Variants in HPS4 observed in about 807,000 individuals in gnomAD.
HPS4 encodes HPS4 biogenesis of lysosomal organelles complex 3 subunit 2.
Under a neutral mutation model 70.3 loss-of-function variants are expected in HPS4, and 44 were observed. That is an observed-to-expected ratio of 0.63 (90% CI 0.49 to 0.80). HPS4 has a LOEUF of 0.80. Among genes scored for constraint, HPS4 ranks in the 30% least tolerant of loss-of-function variants. HPS4 has a pLI of 0.00. For missense variants in HPS4, 873 were observed against 884.4 expected, an observed-to-expected ratio of 0.99 and a Z score of 0.16; for synonymous variants, 377 against 355.9, an observed-to-expected ratio of 1.06 and a Z score of -0.67.
At chr22:26,446,997 A>T (rs958544557), downstream of HPS4, among the ~76,000 whole-genome samples, 8 of 152,196 alleles carry the variant, frequency 5.3e-5, no homozygotes, top group African/African-American at 1.7e-4. Context: ...AAGTGCTGGT[A>T]TTACAGGCAT....
intron 3 of HPS4, among the ~76,000 whole-genome samples, chr22:26,477,573 C>A (rs2090724133): frequency 6.6e-6 from 1 of 152,148 alleles, no homozygotes; most frequent in African/African-American, 2.4e-5. Flanking sequence ...CATGTCAGAG[C>A]ACAGTCACAG....
intron 12 of HPS4, among the ~76,000 whole-genome samples, chr22:26,458,236 G>A (rs180897269): frequency 1.1e-4 from 17 of 152,348 alleles, no homozygotes; most frequent in African/African-American, 3.4e-4. Context: ...ACTGGGAAAC[G>A]CCAAAAACAG....
At position 26,451,522 on chromosome 22, in the gene HPS4, A is replaced by G. The variant is rs1054046423; in HGVS notation, c.*1711T>C. 1.3e-5 allele frequency: 2 copies of G among 152,222 alleles called. No individual in the cohort carries two copies. Among genetic ancestry groups the G allele is most frequent in the Non-Finnish European group, 2.9e-5 (2 of 68,050 alleles). The allele number at this position is 152,222 out of a possible 1,614,324, so 9.4% of individuals were successfully genotyped here. ...ACTTTTTCTGAGTTAATCCAGGTGC[A>G]TGAGACTTTTCCATATACACGGATA... is the stretch of plus-strand genomic sequence containing the variant. On this transcript the variant is annotated 3_prime_UTR_variant, in exon 14 of 14. Transcript: ENST00000398145.
intron 7 of HPS4, 121 bp downstream of exon 7, chr22:26,470,598 C>G: frequency 1.1e-5 from 10 of 912,680 alleles, no homozygotes; most frequent in Non-Finnish European, 1.8e-5. Flanking sequence ...CTGATATTTG[C>G]CGAACCAGCC....
chr22:26,446,761 A>G (rs1443635738), downstream of HPS4, among the ~76,000 whole-genome samples: 2 of 152,098 alleles, frequency 1.3e-5, no homozygotes, highest in African/African-American at 4.8e-5. Context: ...TTTGAGACAG[A>G]GTCTCCTCTG....
Position 26,463,071 on chromosome 22 carries a change from C to T in HPS4, c.1713+846G>A, listed in dbSNP as rs1370589011. Among the ~76,000 whole-genome samples, 7 of 152,230 alleles carry T rather than the reference C, an allele frequency of 4.6e-5. No individual in the cohort carries two copies. In the East Asian group the frequency reaches 1.2e-3, roughly 25 times the overall value. ...AATAAAAACAAGGAAAGCCCCAAGA[C>T]ACCATTTGCCCTGCAGCAATTTCAA... On this transcript the variant is annotated intron_variant, in intron 11 of 13. Coordinates refer to ENST00000398145, the MANE Select transcript of HPS4 (RefSeq NM_022081.6).
At chr22:26,481,533 G>T (rs1879278995) in intron 2 of HPS4, among the ~76,000 whole-genome samples, 189 bp downstream of exon 2, 2 of 152,234 alleles carry the variant, frequency 1.3e-5, no homozygotes, top group Non-Finnish European at 2.9e-5. Flanking sequence ...GGAGAGGCTT[G>T]CAAGGTTAAA....
At chr22:26,480,240 C>T (rs905886568) in intron 2 of HPS4, among the ~76,000 whole-genome samples, 15 of 152,154 alleles carry the variant, frequency 9.9e-5, no homozygotes, top group African/African-American at 3.6e-4. Flanking sequence ...GGTGCGATTG[C>T]GGTTCAGTGC....
chr22:26,481,684 C>A (rs1439354918), intron 2 of HPS4, 38 bp downstream of exon 2: 3 of 1,603,742 alleles, frequency 1.9e-6, no homozygotes, highest in Non-Finnish European at 2.6e-6. Flanking sequence ...AACCAACAGC[C>A]CAGCAAAAGC....
Position 26,464,767 on chromosome 22 carries a change from C to T in HPS4, c.863G>A (p.Gly288Glu), listed in dbSNP as rs763518309. ...DGSAQHHPKG[G>E]STSALKENAT... ...GTTTTCTTTCAGGGCAGATGTGCTC[C>T]CACCCTTTGGATGGTGCTGGGCTGA... is the stretch of plus-strand genomic sequence containing the variant. The change falls in exon 11 of 14, where the codon GGG becomes GAG. Residue 288 changes from glycine (G) to glutamate (E), a missense_variant. Gly to Glu is a moderately conservative substitution (Grantham distance 98). Transcript: ENST00000398145. 22 of 1,585,916 alleles carry T rather than the reference C, an allele frequency of 1.4e-5. No individual in the cohort carries two copies. The highest frequency in any genetic ancestry group is 1.8e-5 in the Non-Finnish European group (21 of 1,166,050).
chr22:26,451,994 GCGCGCGCGCGCACACACACACA>G lies in HPS4; in HGVS notation c.*1217_*1238del, dbSNP rs1279661358. ...AGGGATGCGCCCACGTTACGCGCGC[GCGCGCGCGCGCACACACACACA>G]CACACACACACACACACACACACAC... is the stretch of plus-strand genomic sequence containing the variant. On this transcript the variant is annotated 3_prime_UTR_variant, in exon 14 of 14. Transcript: ENST00000398145. 34 of 71,844 alleles carry G rather than the reference GCGCGCGCGCGCACACACACACA, an allele frequency of 4.7e-4. No individual in the cohort carries two copies. Among genetic ancestry groups the G allele is most frequent in the Admixed American group, 1.7e-3 (11 of 6,318 alleles). 4.5% of individuals were successfully genotyped at this position (71,844 alleles called of 1,614,324 possible). A position where few individuals can be genotyped will look rare whatever the true frequency, so the allele number is the denominator to read the frequency against.
intron 11 of HPS4, 146 bp downstream of exon 11, chr22:26,463,771 G>A (rs758981926): frequency 2.7e-5 from 23 of 838,238 alleles, no homozygotes; most frequent in Middle Eastern, 3.5e-4. Context: ...TACCTCCATC[G>A]TCTAAACAAG....
intron 11 of HPS4, among the ~76,000 whole-genome samples, chr22:26,462,546 T>G (rs2087520570): frequency 6.6e-6 from 1 of 152,222 alleles, no homozygotes; most frequent in African/African-American, 2.4e-5. Context: ...ATGCGAAGTA[T>G]TTCACATATA....
rs964934683 is a variant in HPS4, at chr22:26,464,478, T to G, written c.1152A>C (p.Ser384=). 1 of 1,614,212 alleles carries G rather than the reference T, an allele frequency of 6.2e-7. No individual in the cohort carries two copies. The highest frequency in any genetic ancestry group is 1.3e-5 in the African/African-American group (1 of 75,054). The part of the protein sequence containing the change: ...IPEAQEVEMA[S]GHFAFLHVPV... Reference sequence around the variant, plus strand: ...GCACATGTAGGAAGGCAAAATGACCTGAGGCCATTTCCACTTCCTGAGCCT... The same window carrying G: ...GCACATGTAGGAAGGCAAAATGACCGGAGGCCATTTCCACTTCCTGAGCCT... Residue 384 remains serine, a synonymous_variant, in exon 11 of 14, where the codon TCA becomes TCC. Coordinates refer to ENST00000398145, the MANE Select transcript of HPS4 (RefSeq NM_022081.6).
At chr22:26,468,261 CTT>C in intron 8 of HPS4, 1 of 453,964 alleles carries the variant, frequency 2.2e-6, no homozygotes, top group Non-Finnish European at 4.1e-6. Flanking sequence ...TCTAACATCT[CTT>C]TGACATAAAG....
Position 26,480,736 on chromosome 22 carries a change from G to A in HPS4, c.41+986C>T, listed in dbSNP as rs550282114. On this transcript the variant is annotated intron_variant, in intron 2 of 13. Transcript: ENST00000398145. The stretch of plus-strand genomic sequence containing the variant: ...GTTCGAGATTAGCCTGGGCAACACC[G>A]TGAAACCCCATCTCCACAAAAAACA... Among the ~76,000 whole-genome samples, 44 of 152,110 alleles carry A rather than the reference G, an allele frequency of 2.9e-4. 1 individual carries two copies. In the South Asian group the frequency reaches 7.5e-3, roughly 26 times the overall value.
At chr22:26,457,806 C>G in intron 13 of HPS4, 53 bp downstream of exon 13, 1 of 1,379,966 alleles carries the variant, frequency 7.2e-7, no homozygotes, top group South Asian at 1.2e-5. Context: ...ACAGGTGGTT[C>G]CCATGAGCAG....
chr22:26,463,062 G>A (rs2087643078), intron 11 of HPS4, among the ~76,000 whole-genome samples: 1 of 152,178 alleles, frequency 6.6e-6, no homozygotes, highest in South Asian at 2.1e-4. Flanking sequence ...AACAAGGAAA[G>A]CCCCAAGACA....
intron 5 of HPS4, 27 bp downstream of exon 5, chr22:26,472,805 T>G (rs1285415952): frequency 1.3e-6 from 2 of 1,542,214 alleles, no homozygotes; most frequent in East Asian, 4.5e-5. Flanking sequence ...AGGCCCAATG[T>G]AAGACTCCTC....
Sources: allele counts gnomAD v4.1 joint callset (sites outside exome capture counted in the v4.1 genomes callset), GRCh38; gene constraint gnomAD v4.1.1; transcripts MANE v1.5; gene names NCBI Gene and HGNC (gene_info 2026-07-23, HGNC 2026-07-21).